Variants in TENM3 observed in about 807,000 individuals in gnomAD.
TENM3 encodes the protein teneurin transmembrane protein 3.
Under a neutral mutation model 255.1 loss-of-function variants are expected in TENM3, and 63 were observed. The observed-to-expected ratio is 0.25, with a 90% CI of 0.20 to 0.30. TENM3 has a LOEUF of 0.30. TENM3 is among the 10% of genes least tolerant of loss of function. The probability of loss-of-function intolerance (pLI) is 1.00; values close to 1 mark genes in which losing one functional copy is unlikely to be tolerated. For synonymous variants in TENM3, 1,306 were observed against 1,322.3 expected (o/e 0.99, Z 0.27); for missense variants, 2,929 against 3,461.1 (o/e 0.85, Z 3.86).
At chr4:182,182,422 G>A (rs1277961678) in intron 1 of TENM3, among the ~76,000 whole-genome samples, 1 of 152,134 alleles carries the variant, frequency 6.6e-6, no homozygotes, top group Non-Finnish European at 1.5e-5. Context: ...AAATATGAAG[G>A]CAAGGATTTC....
At chr4:181,810,465 T>C in the TENM3 span, among the ~76,000 whole-genome samples, 1 of 151,966 alleles carries the variant, frequency 6.6e-6, no homozygotes, top group Non-Finnish European at 1.5e-5. Flanking sequence ...TCGTAGCTCC[T>C]GAATTTCTGC....
chr4:181,621,984 A>G, the TENM3 span, among the ~76,000 whole-genome samples: 15 of 152,298 alleles, frequency 9.8e-5, no homozygotes, highest in South Asian at 4.1e-4. Context: ...TACGCACACA[A>G]TAACTTCCGG....
intron 3 of TENM3, among the ~76,000 whole-genome samples, chr4:182,534,681 A>G (rs191100906): frequency 6.6e-6 from 1 of 152,342 alleles, no homozygotes; most frequent in African/African-American, 2.4e-5. Flanking sequence ...TTGCCTAAGG[A>G]TTCAGAGAAG....
At chr4:182,593,407 T>G (rs953179196) in intron 3 of TENM3, among the ~76,000 whole-genome samples, 5 of 152,176 alleles carry the variant, frequency 3.3e-5, no homozygotes, top group African/African-American at 4.8e-5. Context: ...TCTCTGTCCT[T>G]TCTTCTTCCG....
At chr4:181,741,980 T>G in the TENM3 span, among the ~76,000 whole-genome samples, 1 of 152,314 alleles carries the variant, frequency 6.6e-6, no homozygotes, top group East Asian at 1.9e-4. Flanking sequence ...ATCAGAACAC[T>G]TATTACTTAT....
chr4:182,638,343 A>G (rs182723694), intron 5 of TENM3, among the ~76,000 whole-genome samples: 9 of 152,292 alleles, frequency 5.9e-5, no homozygotes, highest in African/African-American at 1.9e-4. Context: ...TTAAAAACAT[A>G]CAGATGTGTG....
chr4:182,056,690 A>G, the TENM3 span, among the ~76,000 whole-genome samples: 4 of 152,158 alleles, frequency 2.6e-5, 1 homozygote, highest in African/African-American at 9.7e-5. Context: ...GAAAACAGCA[A>G]ATGTCCTTTA....
At chr4:182,203,171 C>G (rs568435140) in intron 1 of TENM3, among the ~76,000 whole-genome samples, 1 of 151,224 alleles carries the variant, frequency 6.6e-6, no homozygotes, top group East Asian at 2.0e-4. Context: ...GAGCCGAGAT[C>G]GTGCCATTGC....
chr4:182,002,100 T>A, the TENM3 span, among the ~76,000 whole-genome samples: 152 of 152,272 alleles, frequency 1.0e-3, no homozygotes, highest in African/African-American at 3.6e-3. Flanking sequence ...TATTCTCTTT[T>A]GTATTATAGG....
chr4:181,819,140 C>G, the TENM3 span, among the ~76,000 whole-genome samples: 1 of 152,120 alleles, frequency 6.6e-6, no homozygotes, highest in Admixed American at 6.6e-5. Flanking sequence ...TGTCATCTAC[C>G]ATGAGATTCC....
chr4:182,164,701 C>G (rs1279561656), intron 1 of TENM3, among the ~76,000 whole-genome samples: 1 of 152,128 alleles, frequency 6.6e-6, no homozygotes, highest in African/African-American at 2.4e-5. Flanking sequence ...GTTTTGCTCC[C>G]TTTTGTTTAA....
intron 3 of TENM3, among the ~76,000 whole-genome samples, chr4:182,514,557 G>T (rs60388667): frequency 0.013 from 1,933 of 152,132 alleles, 39 homozygotes; most frequent in African/African-American, 0.045. Context: ...TTTTACATCC[G>T]GCCCTATATG....
the TENM3 span, among the ~76,000 whole-genome samples, chr4:181,778,919 A>G: frequency 6.6e-6 from 1 of 152,162 alleles, no homozygotes; most frequent in Admixed American, 6.6e-5. Flanking sequence ...ATGAGGATTT[A>G]TAATAGGAAT....
intron 1 of TENM3, among the ~76,000 whole-genome samples, chr4:182,303,820 A>G (rs1277700084): frequency 1.3e-5 from 2 of 152,202 alleles, no homozygotes; most frequent in Non-Finnish European, 2.9e-5. Flanking sequence ...TCTATTTGAC[A>G]ACTTTCTAGG....
chr4:181,926,649 A>G, the TENM3 span, among the ~76,000 whole-genome samples: 2 of 152,212 alleles, frequency 1.3e-5, no homozygotes, highest in South Asian at 2.1e-4. Context: ...GGAGCTTTCT[A>G]TAATTCAGAA....
At chr4:181,539,752 C>T in the TENM3 span, among the ~76,000 whole-genome samples, 15 of 152,062 alleles carry the variant, frequency 9.9e-5, no homozygotes, top group Admixed American at 8.5e-4. Context: ...TTTCCATAAT[C>T]CTAGATTTTT....
chr4:182,155,354 C>A (rs1012665862), intron 1 of TENM3, among the ~76,000 whole-genome samples: 18 of 152,196 alleles, frequency 1.2e-4, no homozygotes, highest in Non-Finnish European at 2.6e-4. Flanking sequence ...TGTACTTACT[C>A]ATTGAAACAT....
At chr4:182,737,466 G>GT (rs1761255449) in intron 17 of TENM3, among the ~76,000 whole-genome samples, 1 of 151,898 alleles carries the variant, frequency 6.6e-6, no homozygotes, top group Non-Finnish European at 1.5e-5. Context: ...CACTAATGTA[G>GT]TTTCAGTGCA....
the TENM3 span, among the ~76,000 whole-genome samples, chr4:181,892,844 A>G: frequency 6.6e-6 from 1 of 152,166 alleles, no homozygotes; most frequent in Non-Finnish European, 1.5e-5. Context: ...TTGCTTCCAA[A>G]TTGTTTTCTA....
Sources: allele counts gnomAD v4.1 joint callset (sites outside exome capture counted in the v4.1 genomes callset), GRCh38; gene constraint gnomAD v4.1.1; transcripts MANE v1.5; gene names NCBI Gene and HGNC (gene_info 2026-07-23, HGNC 2026-07-21).